The following BBS9 variants were observed in gnomAD, a reference collection of about 807,000 sequenced individuals.
BBS9 encodes protein PTHB1.
Under a neutral mutation model 117.7 loss-of-function variants are expected in BBS9, and 89 were observed. The observed-to-expected ratio is 0.76, with a 90% CI of 0.64 to 0.90. The LOEUF (loss-of-function observed/expected upper bound fraction) is 0.90. Among genes scored for constraint, BBS9 ranks in the 40% least tolerant of loss-of-function variants. The pLI is 0.00. For synonymous variants in BBS9, 379 were observed against 370.9 expected (o/e 1.02, Z -0.25); for missense variants, 982 against 1,042.2 (o/e 0.94, Z 0.80).
chr7:33,605,113 CA>C (rs1186289743), intron 22 of BBS9, 81 bp from the exon 23 acceptor site: 8 of 1,482,982 alleles, frequency 5.4e-6, no homozygotes, highest in Non-Finnish European at 7.5e-6. Flanking sequence ...AGCACTGGTG[CA>C]GCTGAATTTG....
chr7:33,323,115 G>T (rs1356373452), intron 9 of BBS9, among the ~76,000 whole-genome samples: 1 of 151,618 alleles, frequency 6.6e-6, no homozygotes, highest in Admixed American at 6.6e-5. Flanking sequence ...TGTTGTTTCA[G>T]TTTTTTTTGA....
At chr7:33,489,331 CTTT>C (rs35199510) in intron 19 of BBS9, among the ~76,000 whole-genome samples, 27 of 86,246 alleles carry the variant, frequency 3.1e-4, no homozygotes, top group South Asian at 5.2e-4. Context: ...CCACTTATGG[CTTT>C]TTTTTTTTTT....
At chr7:33,466,651 G>C (rs1033062456) in intron 19 of BBS9, among the ~76,000 whole-genome samples, 1 of 152,088 alleles carries the variant, frequency 6.6e-6, no homozygotes. Flanking sequence ...TTACTGAGTG[G>C]AAGAGTAAGA....
intron 19 of BBS9, among the ~76,000 whole-genome samples, chr7:33,418,649 C>T (rs1407963781): frequency 6.6e-6 from 1 of 152,160 alleles, no homozygotes. Flanking sequence ...GGTGGCTTCA[C>T]CCCCATGGAG....
At chr7:33,271,423 A>AACTG (rs1799775006) in intron 7 of BBS9, among the ~76,000 whole-genome samples, 1 of 152,204 alleles carries the variant, frequency 6.6e-6, no homozygotes, top group Non-Finnish European at 1.5e-5. Context: ...CAGAGTGGCA[A>AACTG]ACTGGATCAA....
intron 21 of BBS9, among the ~76,000 whole-genome samples, chr7:33,566,420 G>A (rs1173267719): frequency 6.6e-6 from 1 of 151,716 alleles, no homozygotes; most frequent in Non-Finnish European, 1.5e-5. Context: ...AAATTCTGAT[G>A]GTAGGTTATT....
At chr7:33,523,242 G>A (rs1848927272) in intron 20 of BBS9, among the ~76,000 whole-genome samples, 2 of 148,204 alleles carry the variant, frequency 1.3e-5, no homozygotes, top group African/African-American at 2.6e-5. Context: ...CTCTTTTTTG[G>A]TTGCATATGA....
At chr7:33,407,420 T>G (rs1461412698) in intron 19 of BBS9, among the ~76,000 whole-genome samples, 2 of 152,232 alleles carry the variant, frequency 1.3e-5, no homozygotes, top group African/African-American at 2.4e-5. Context: ...GTCTGAAGCC[T>G]TCTTCTCTCA....
intron 5 of BBS9, among the ~76,000 whole-genome samples, chr7:33,222,693 A>G (rs1488606004): frequency 6.6e-6 from 1 of 151,390 alleles, no homozygotes; most frequent in Non-Finnish European, 1.5e-5. Flanking sequence ...CTTGCTTGTA[A>G]CTCCAGCACT....
intron 19 of BBS9, among the ~76,000 whole-genome samples, chr7:33,407,476 A>G (rs1830247642): frequency 6.6e-6 from 1 of 152,164 alleles, no homozygotes; most frequent in Non-Finnish European, 1.5e-5. Context: ...GTTGCTGGTG[A>G]GGAACTGCAT....
At chr7:33,593,090 A>G (rs923447914) in intron 21 of BBS9, among the ~76,000 whole-genome samples, 3 of 152,132 alleles carry the variant, frequency 2.0e-5, no homozygotes, top group Non-Finnish European at 2.9e-5. Context: ...CCAATTGTAC[A>G]TTGGACTTCT....
intron 4 of BBS9, among the ~76,000 whole-genome samples, chr7:33,160,811 A>G (rs992155883): frequency 6.6e-6 from 1 of 152,132 alleles, no homozygotes; most frequent in Non-Finnish European, 1.5e-5. Context: ...TTTGTGTTCT[A>G]GATTTTGAAG....
At chr7:33,547,798 G>A (rs970785562) in intron 21 of BBS9, among the ~76,000 whole-genome samples, 31 of 152,054 alleles carry the variant, frequency 2.0e-4, no homozygotes, top group Middle Eastern at 3.2e-3. Flanking sequence ...TTTCAAAATC[G>A]TTTTGAAAGT....
At chr7:33,300,554 A>G (rs1174495355) in intron 9 of BBS9, among the ~76,000 whole-genome samples, 1 of 150,314 alleles carries the variant, frequency 6.7e-6, no homozygotes, top group African/African-American at 2.4e-5. Flanking sequence ...CTTTCCTTGC[A>G]GTTGCCAGGG....
intron 4 of BBS9, among the ~76,000 whole-genome samples, chr7:33,167,570 T>G (rs938507091): frequency 6.6e-6 from 1 of 151,988 alleles, no homozygotes; most frequent in Non-Finnish European, 1.5e-5. Flanking sequence ...GTCCAGCTAA[T>G]TTTTGTATTT....
At chr7:33,192,563 A>C (rs771499787) in intron 5 of BBS9, among the ~76,000 whole-genome samples, 3 of 152,200 alleles carry the variant, frequency 2.0e-5, no homozygotes, top group Non-Finnish European at 2.9e-5. Context: ...TTACTTTTTC[A>C]GTCTATATAC....
chr7:33,225,699 CTTTT>C (rs72137184), intron 5 of BBS9, among the ~76,000 whole-genome samples: 5 of 131,294 alleles, frequency 3.8e-5, no homozygotes, highest in Non-Finnish European at 6.4e-5. Context: ...GAGCTTGGTT[CTTTT>C]TTTTTTTTTT....
intron 10 of BBS9, among the ~76,000 whole-genome samples, chr7:33,337,840 A>T (rs984247962): frequency 5.9e-5 from 9 of 152,274 alleles, no homozygotes; most frequent in African/African-American, 1.7e-4. Flanking sequence ...GGCATGAAAC[A>T]TGAAATTTCC....
At chr7:33,562,691 C>T (rs926795065) in intron 21 of BBS9, among the ~76,000 whole-genome samples, 10 of 152,172 alleles carry the variant, frequency 6.6e-5, no homozygotes, top group Admixed American at 1.3e-4. Flanking sequence ...TTTGAGAGGC[C>T]GAGGTGGGTG....
Sources: gnomAD v4.1 joint callset for allele counts (sites outside exome capture counted in the v4.1 genomes callset) on GRCh38, gnomAD v4.1.1 for gene constraint, MANE v1.5 for transcripts, NCBI Gene and HGNC (gene_info 2026-07-23, HGNC 2026-07-21) for gene names.